Variants in SPARCL1 observed in about 807,000 individuals in gnomAD.
SPARCL1 encodes SPARC-like protein 1.
A neutral mutation model predicts 67.1 loss-of-function variants in SPARCL1; 52 were observed. The ratio of observed to expected loss-of-function variants is 0.78; its 90% CI spans 0.62 to 0.98. The LOEUF is 0.98. Among genes scored for constraint, SPARCL1 ranks in the 50% least tolerant of loss-of-function variants. The pLI, the probability that SPARCL1 is intolerant of heterozygous loss-of-function variation, is 0.00. For synonymous variants in SPARCL1, 226 were observed against 267.8 expected (o/e 0.84, Z 1.52); for missense variants, 717 against 782.4 (o/e 0.92, Z 1.00).
In SPARCL1 at chr4:87,517,281, G is replaced by C. The variant is rs888431776; in HGVS notation, c.-12+11764C>G. Among the ~76,000 whole-genome samples, 7 of 152,072 alleles carry C rather than the reference G, an allele frequency of 4.6e-5. No homozygotes were observed. In the East Asian group the frequency reaches 1.2e-3, roughly 25 times the overall value. Reference sequence around the variant, plus strand: ...CTCACTTGTGCAGCCTCCATACAAAGTTCTAGACTTGATTTTGACTTTTAT... The same window carrying C: ...CTCACTTGTGCAGCCTCCATACAAACTTCTAGACTTGATTTTGACTTTTAT... On this transcript the variant is annotated intron_variant, in intron 1 of 10. Coordinates refer to ENST00000282470, the MANE Select transcript of SPARCL1 (RefSeq NM_004684.6).
rs1230485127 is a variant in SPARCL1 at position 87,501,324 on chromosome 4, G to A, written c.-11-1739C>T. ...TTCTGTTTGATTTCTTGCTTCCTAAGTCCCATATATTTTTCTTTCTTAGTT... is the reference window on the plus strand; with the variant it reads ...TTCTGTTTGATTTCTTGCTTCCTAAATCCCATATATTTTTCTTTCTTAGTT... On this transcript the variant is annotated intron_variant, in intron 1 of 10. Transcript: ENST00000282470. Among the ~76,000 whole-genome samples the A allele has an allele frequency of 2.6e-5, 4 of 151,970 alleles. No homozygotes were observed. The East Asian group carries it at 7.7e-4, about 29-fold the overall frequency.
At chr4:87,519,480 A>C (rs895588987) in intron 1 of SPARCL1, among the ~76,000 whole-genome samples, 5 of 152,204 alleles carry the variant, frequency 3.3e-5, no homozygotes, top group Non-Finnish European at 5.9e-5. Context: ...TGGTGGGTTC[A>C]TTAACTCTGT....
intron 9 of SPARCL1, 24 bp downstream of exon 9, chr4:87,480,348 A>C (rs1273659841): frequency 1.3e-6 from 2 of 1,529,786 alleles, no homozygotes. Context: ...TAAATCTAGA[A>C]ATGGAAAGGT....
Position 87,479,413 on chromosome 4 carries a change from G to T in SPARCL1, c.1966+17C>A, listed in dbSNP as rs112957739. ...AGGAAGAAGACATCCCTCTTCTTTG[G>T]CTGGTGATGAATTTACCTTCTTTAA... On this transcript the variant is annotated intron_variant, in intron 10 of 10. Transcript: ENST00000282470. The T allele has an allele frequency of 3.1e-6, 5 of 1,610,626 alleles. No individual in the cohort carries two copies. In the African/African-American group the frequency reaches 4.0e-5, roughly 13 times the overall value.
intron 1 of SPARCL1, among the ~76,000 whole-genome samples, chr4:87,508,914 A>C (rs575635262): frequency 2.6e-5 from 3 of 115,086 alleles, no homozygotes; most frequent in African/African-American, 9.7e-5. Flanking sequence ...TATAGTATAC[A>C]TATGTGTATA....
chr4:87,525,999 A>G (rs1295550415), intron 1 of SPARCL1, among the ~76,000 whole-genome samples: 6 of 152,226 alleles, frequency 3.9e-5, no homozygotes. Flanking sequence ...AGGAAAAAAT[A>G]TCCCCTGGAG....
At chr4:87,474,733 C>T (rs1044626927) in intron 10 of SPARCL1, among the ~76,000 whole-genome samples, 1 of 78,878 alleles carries the variant, frequency 1.3e-5, no homozygotes, top group Non-Finnish European at 2.9e-5. Flanking sequence ...GTAAAGATTT[C>T]TCTCTCTCTC....
rs957210931 is a variant in SPARCL1 at position 87,526,835 on chromosome 4, T to C, written c.-12+2210A>G. On this transcript the variant is annotated intron_variant, in intron 1 of 10. Transcript: ENST00000282470. ...TTTCATATTATCTACGATTGATTGA[T>C]TGCTTTAATGTACCAAACATGGCTC... 7.2e-5 allele frequency among the ~76,000 whole-genome samples: 11 copies of C among 152,348 alleles called. No individual in the cohort carries two copies. In the East Asian group the frequency reaches 1.9e-3, roughly 27 times the overall value.
intron 10 of SPARCL1, 40 bp from the exon 11 acceptor site, chr4:87,473,843 T>C: frequency 1.4e-6 from 2 of 1,394,544 alleles, no homozygotes; most frequent in Non-Finnish European, 2.0e-6. Flanking sequence ...TTTTAGAAAG[T>C]AGCCAGAGTA....
chr4:87,482,527 T>A lies in SPARCL1; in HGVS notation c.1565A>T (p.Gln522Leu). Residue 522 changes from glutamine (Q) to leucine (L), a missense_variant, in exon 8 of 11, where the codon CAG becomes CTG. Gln to Leu is a moderately radical substitution (Grantham distance 113). Transcript: ENST00000282470. ...IPTCTDFEVIQFPLRMRDWLK... is the reference protein window; with the variant it reads ...IPTCTDFEVILFPLRMRDWLK... ...CCAGTCTCTCATCCGTAGAGGAAAC[T>A]GAATCACTTCAAAGTCCGTACAAGT... 1 of 1,614,050 alleles carries A rather than the reference T, an allele frequency of 6.2e-7. No individual in the cohort carries two copies.
intron 10 of SPARCL1, among the ~76,000 whole-genome samples, chr4:87,474,878 G>A (rs1341943502): frequency 1.3e-5 from 2 of 151,906 alleles, no homozygotes; most frequent in African/African-American, 4.8e-5. Flanking sequence ...GAGTGGCTGG[G>A]ACTACAGGCG....
intron 1 of SPARCL1, among the ~76,000 whole-genome samples, chr4:87,522,296 A>G (rs1489327206): frequency 6.6e-6 from 1 of 151,980 alleles, no homozygotes; most frequent in Non-Finnish European, 1.5e-5. Flanking sequence ...TCTGACCTTC[A>G]ACTGCCCATC....
At position 87,517,409 on chromosome 4, in the gene SPARCL1, G is replaced by T. The variant is rs60285446; in HGVS notation, c.-12+11636C>A. On this transcript the variant is annotated intron_variant, in intron 1 of 10. Transcript: ENST00000282470. ...CACCTAAAGTCCTGGCGTTTGTGACGTTGCAGTAACTTAATAATATCTGAA... is the reference window on the plus strand; with the variant it reads ...CACCTAAAGTCCTGGCGTTTGTGACTTTGCAGTAACTTAATAATATCTGAA... 5.3e-3 allele frequency among the ~76,000 whole-genome samples: 809 copies of T among 152,260 alleles called. 6 individuals are homozygous for T. The highest frequency in any genetic ancestry group is 0.018 in the African/African-American group (765 of 41,548).
chr4:87,480,233 G>A, intron 9 of SPARCL1, 139 bp downstream of exon 9: 2 of 565,602 alleles, frequency 3.5e-6, no homozygotes, highest in Non-Finnish European at 5.6e-6. Context: ...TTTGTGTTTA[G>A]ACTCCTAACC....
chr4:87,522,682 C>G (rs1022090959), intron 1 of SPARCL1, among the ~76,000 whole-genome samples: 4 of 147,874 alleles, frequency 2.7e-5, no homozygotes, highest in Admixed American at 6.7e-5. Context: ...CACACACACA[C>G]GCACACACAC....
At chr4:87,505,701 C>A (rs1255367613) in intron 1 of SPARCL1, among the ~76,000 whole-genome samples, 5 of 150,268 alleles carry the variant, frequency 3.3e-5, no homozygotes, top group Admixed American at 6.7e-5. Flanking sequence ...GATATAGGTG[C>A]AAACTATTAT....
chr4:87,498,543 T>C (rs1724716573), intron 2 of SPARCL1, among the ~76,000 whole-genome samples: 1 of 152,270 alleles, frequency 6.6e-6, no homozygotes, highest in Admixed American at 6.5e-5. Context: ...TGGTCATTCA[T>C]GCTATGGTTT....
chr4:87,504,337 A>G (rs1724988271), intron 1 of SPARCL1, among the ~76,000 whole-genome samples: 1 of 152,152 alleles, frequency 6.6e-6, no homozygotes, highest in Admixed American at 6.5e-5. Context: ...TCCTTCTGAA[A>G]ATGACTACAT....
chr4:87,527,859 G>T (rs1436363501), intron 1 of SPARCL1, among the ~76,000 whole-genome samples: 1 of 138,406 alleles, frequency 7.2e-6, no homozygotes, highest in African/African-American at 2.8e-5. Flanking sequence ...CAAAGAGGGT[G>T]TTTTGAATAA....
Sources: allele counts gnomAD v4.1 joint callset (sites outside exome capture counted in the v4.1 genomes callset), GRCh38; gene constraint gnomAD v4.1.1; transcripts MANE v1.5; gene names NCBI Gene and HGNC (gene_info 2026-07-23, HGNC 2026-07-21).